Variants in TUSC3 observed in about 807,000 individuals in gnomAD.
TUSC3 encodes the protein dolichyl-diphosphooligosaccharide--protein glycosyltransferase subunit TUSC3.
In TUSC3, 45 loss-of-function variants were observed where a neutral mutation model predicts 44.8. That is an observed-to-expected ratio of 1.00 (90% CI 0.79 to 1.29). The LOEUF (loss-of-function observed/expected upper bound fraction) is 1.29, where lower values mean the gene tolerates loss of function less well. Ranked by LOEUF, TUSC3 falls within the 50% of genes most tolerant of loss-of-function variation. The probability of loss-of-function intolerance (pLI) is 0.00; values close to 1 mark genes in which losing one functional copy is unlikely to be tolerated. For missense variants in TUSC3, 519 were observed against 437.9 expected, an observed-to-expected ratio of 1.19 and a Z score of -1.65; for synonymous variants, 212 against 152.9, an observed-to-expected ratio of 1.39 and a Z score of -2.85.
chr8:15,547,551 C>G (rs1801915052), intron 1 of TUSC3, among the ~76,000 whole-genome samples: 1 of 151,474 alleles, frequency 6.6e-6, no homozygotes, highest in African/African-American at 2.4e-5. Flanking sequence ...AAACAAGCAA[C>G]AAGCAGACAG....
At chr8:15,619,727 G>C (rs919731653) in intron 1 of TUSC3, among the ~76,000 whole-genome samples, 6 of 152,058 alleles carry the variant, frequency 3.9e-5, no homozygotes, top group African/African-American at 1.4e-4. Context: ...AGCCAGGATG[G>C]TCTCCATCTC....
chr8:15,443,563 G>A (rs1352441229), intron 1 of TUSC3, among the ~76,000 whole-genome samples: 1 of 152,052 alleles, frequency 6.6e-6, no homozygotes, highest in African/African-American at 2.4e-5. Flanking sequence ...TAACCTTTAA[G>A]CTGTTCTTAT....
At chr8:15,453,276 T>G (rs1800216656) in intron 1 of TUSC3, among the ~76,000 whole-genome samples, 1 of 152,138 alleles carries the variant, frequency 6.6e-6, no homozygotes, top group African/African-American at 2.4e-5. Context: ...TTTAACCATG[T>G]CTGCAAACCA....
At chr8:15,573,142 T>C (rs968175109) in intron 1 of TUSC3, among the ~76,000 whole-genome samples, 2 of 148,984 alleles carry the variant, frequency 1.3e-5, no homozygotes, top group Non-Finnish European at 3.0e-5. Flanking sequence ...TGCTTAACTA[T>C]TGCTTCAGTA....
intron 2 of TUSC3, among the ~76,000 whole-genome samples, chr8:15,519,603 G>A (rs1801267168): frequency 6.6e-6 from 1 of 152,092 alleles, no homozygotes; most frequent in Non-Finnish European, 1.5e-5. Flanking sequence ...TCTAGGTTGT[G>A]TACTCCTTAT....
intron 1 of TUSC3, among the ~76,000 whole-genome samples, chr8:15,588,560 T>A (rs922014407): frequency 1.3e-5 from 2 of 152,192 alleles, no homozygotes; most frequent in Non-Finnish European, 2.9e-5. Context: ...TTTAGTTTTA[T>A]GTAGTCCAAT....
In TUSC3 at chr8:15,751,046, C is replaced by T. The variant is rs552492409; in HGVS notation, c.1028+2581C>T. ...CTGTGTAGAGAAATGGCAGGCAGGC[C>T]TCTGGCTGCTATAACAGCTCTTCAC... is the stretch of plus-strand genomic sequence containing the variant. On this transcript the variant is annotated intron_variant, in intron 9 of 10. Coordinates refer to ENST00000503731, the MANE Select transcript of TUSC3 (RefSeq NM_006765.4). Among the ~76,000 whole-genome samples the T allele has an allele frequency of 5.3e-5, 8 of 152,230 alleles. 1 individual carries two copies. Among genetic ancestry groups the T allele is most frequent in the Middle Eastern group, 3.4e-3 (1 of 294 alleles).
intron 1 of TUSC3, among the ~76,000 whole-genome samples, chr8:15,562,451 T>C (rs1373559883): frequency 6.6e-6 from 1 of 152,162 alleles, no homozygotes; most frequent in African/African-American, 2.4e-5. Flanking sequence ...TAGTTTTATA[T>C]TGATGCATAA....
At chr8:15,847,249 G>A in the TUSC3 span, among the ~76,000 whole-genome samples, 1 of 152,094 alleles carries the variant, frequency 6.6e-6, no homozygotes, top group Non-Finnish European at 1.5e-5. Context: ...GAACAGGGAA[G>A]AGAATGTGAT....
intron 1 of TUSC3, among the ~76,000 whole-genome samples, chr8:15,478,232 C>A (rs989730442): frequency 4.6e-5 from 7 of 152,164 alleles, no homozygotes; most frequent in African/African-American, 1.4e-4. Context: ...TCCCAAAGTG[C>A]TGGGATGACA....
chr8:15,657,629 C>G (rs1807230669), intron 3 of TUSC3, among the ~76,000 whole-genome samples: 1 of 152,196 alleles, frequency 6.6e-6, no homozygotes, highest in Non-Finnish European at 1.5e-5. Context: ...TGAGCCCTCT[C>G]TAGAATCACC....
chr8:15,824,042 G>T, the TUSC3 span, among the ~76,000 whole-genome samples: 4 of 152,148 alleles, frequency 2.6e-5, no homozygotes, highest in African/African-American at 9.7e-5. Flanking sequence ...AAATTTTTAA[G>T]CAAGAAAATG....
rs191789143 is a variant in TUSC3 at position 15,650,585 on chromosome 8, C to T, written c.309-112C>T. 117 of 768,548 alleles carry T rather than the reference C, an allele frequency of 1.5e-4. 1 individual carries two copies. The Admixed American group carries it at 2.5e-3, about 16-fold the overall frequency. 47.6% of individuals were successfully genotyped at this position (768,548 alleles called of 1,614,324 possible). A position where few individuals can be genotyped will look rare whatever the true frequency, so the allele number is the denominator to read the frequency against. ...TATTTTAAAAACTATGCTTTTCTTA[C>T]AGTCTGTACAAAAACTGGCCAGTGC... is the stretch of plus-strand genomic sequence containing the variant. On this transcript the variant is annotated intron_variant, in intron 2 of 10. Coordinates refer to ENST00000503731, the MANE Select transcript of TUSC3 (RefSeq NM_006765.4).
chr8:15,507,210 G>C (rs62502470), intron 2 of TUSC3, among the ~76,000 whole-genome samples: 16,456 of 152,174 alleles, frequency 0.11, 1,136 homozygotes, highest in Non-Finnish European at 0.15. Context: ...TTCATTAAAA[G>C]AAACAAAGTG....
intron 9 of TUSC3, among the ~76,000 whole-genome samples, chr8:15,755,632 C>T (rs1429069348): frequency 6.6e-6 from 1 of 151,262 alleles, no homozygotes; most frequent in African/African-American, 2.4e-5. Flanking sequence ...CACAAAAATG[C>T]AAAATGAAGA....
intron 6 of TUSC3, among the ~76,000 whole-genome samples, chr8:15,709,889 A>G (rs888653562): frequency 6.6e-6 from 1 of 151,846 alleles, no homozygotes; most frequent in African/African-American, 2.4e-5. Context: ...AGTCCATTAC[A>G]TTATGGCACT....
the TUSC3 span, among the ~76,000 whole-genome samples, chr8:15,777,367 C>G: frequency 3.9e-5 from 6 of 152,098 alleles, no homozygotes; most frequent in Non-Finnish European, 7.4e-5. Flanking sequence ...TCCGTATTTC[C>G]TTGACTGCAG....
At chr8:15,729,284 C>A (rs1045169027) in intron 6 of TUSC3, among the ~76,000 whole-genome samples, 1 of 152,068 alleles carries the variant, frequency 6.6e-6, no homozygotes, top group African/African-American at 2.4e-5. Flanking sequence ...CTTGACGTTC[C>A]TCCTCTGTTT....
chr8:15,633,812 G>C (rs1805935509), intron 2 of TUSC3, among the ~76,000 whole-genome samples: 2 of 152,148 alleles, frequency 1.3e-5, no homozygotes, highest in South Asian at 2.1e-4. Flanking sequence ...CTAGCCTCCA[G>C]AACTATGAGG....
Sources: gnomAD v4.1 joint callset for allele counts (sites outside exome capture counted in the v4.1 genomes callset) on GRCh38, gnomAD v4.1.1 for gene constraint, MANE v1.5 for transcripts, NCBI Gene and HGNC (gene_info 2026-07-23, HGNC 2026-07-21) for gene names.